Variants in TTC39C observed in about 807,000 individuals in gnomAD.
TTC39C encodes tetratricopeptide repeat domain 39C, also known as tetratricopeptide repeat protein 39C.
Under a neutral mutation model 76.3 loss-of-function variants are expected in TTC39C, and 33 were observed. The observed-to-expected ratio is 0.43, with a 90% CI of 0.33 to 0.58. The LOEUF (loss-of-function observed/expected upper bound fraction) is 0.58, where lower values mean the gene tolerates loss of function less well. Among genes scored for constraint, TTC39C ranks in the 20% least tolerant of loss-of-function variants. The pLI is 0.04. For missense variants in TTC39C, 595 were observed against 701.4 expected (o/e 0.85, Z 1.71); for synonymous variants, 254 against 260.6 (o/e 0.97, Z 0.24).
upstream of TTC39C, chr18:24,013,187 A>G (rs549462912): frequency 2.0e-5 from 3 of 152,310 alleles, no homozygotes; most frequent in African/African-American, 7.2e-5. Context: ...GACAGCATGA[A>G]TGCAGTGACT....
intron 6 of TTC39C, among the ~76,000 whole-genome samples, chr18:24,110,299 T>A (rs985345629): frequency 6.6e-6 from 1 of 152,236 alleles, no homozygotes; most frequent in Non-Finnish European, 1.5e-5. Context: ...CGGCATCTAC[T>A]TGTAGCAAGC....
At chr18:24,029,096 GT>G (rs2083635600) in intron 1 of TTC39C, among the ~76,000 whole-genome samples, 1 of 62,364 alleles carries the variant, frequency 1.6e-5, no homozygotes, top group African/African-American at 5.5e-5. Flanking sequence ...GTGTGGTGTT[GT>G]TGTTGTTGTT....
At chr18:24,005,666 C>T (rs939281696) in intron 1 of TTC39C, among the ~76,000 whole-genome samples, 19 of 149,244 alleles carry the variant, frequency 1.3e-4, no homozygotes, top group Non-Finnish European at 1.2e-4. Context: ...GGCAACAAAG[C>T]GAGACCCTGT....
intron 1 of TTC39C, among the ~76,000 whole-genome samples, chr18:24,004,092 C>A (rs1439474398): frequency 1.3e-5 from 2 of 152,150 alleles, no homozygotes; most frequent in Non-Finnish European, 2.9e-5. Context: ...GTTCCCCAAG[C>A]AAGCACAGTG....
intron 1 of TTC39C, among the ~76,000 whole-genome samples, chr18:24,009,438 C>T (rs1055516640): frequency 2.0e-5 from 3 of 152,084 alleles, no homozygotes; most frequent in Admixed American, 1.3e-4. Context: ...GGACATTCAC[C>T]CAAGGCTGCA....
At chr18:23,993,735 T>G (rs1373437629) in intron 1 of TTC39C, among the ~76,000 whole-genome samples, 1 of 152,212 alleles carries the variant, frequency 6.6e-6, no homozygotes. Context: ...TCTAGATAAT[T>G]ATTTAATTTC....
intron 1 of TTC39C, among the ~76,000 whole-genome samples, chr18:24,003,439 A>G (rs1426493773): frequency 6.6e-6 from 1 of 152,202 alleles, no homozygotes; most frequent in African/African-American, 2.4e-5. Flanking sequence ...TTATTCAATT[A>G]TGTCTTCCAC....
chr18:24,132,707 T>A lies in TTC39C; in HGVS notation c.*133T>A. 3.3e-6 allele frequency: 2 copies of A among 603,510 alleles called. No homozygotes were observed. The highest frequency in any genetic ancestry group is 3.0e-5 in the East Asian group (1 of 33,284). The allele number at this position is 603,510 out of a possible 1,614,324, so 37.4% of individuals were successfully genotyped here. On this transcript the variant is annotated 3_prime_UTR_variant, in exon 14 of 14. Coordinates refer to ENST00000317571, the MANE Select transcript of TTC39C (RefSeq NM_001135993.2). ...TGTGCCAGGGACACATTTTCCCAGT[T>A]AAGCTGACATATTAAAGATCTCCTC... is the stretch of plus-strand genomic sequence containing the variant.
At position 24,091,100 on chromosome 18, in the gene TTC39C, C is replaced by T. The variant is rs116981491; in HGVS notation, c.984+8019C>T. On this transcript the variant is annotated intron_variant, in intron 6 of 13. Coordinates refer to ENST00000317571, the MANE Select transcript of TTC39C (RefSeq NM_001135993.2). ...GGGATTACAGGCGTAAGCCGCCACG[C>T]CCGGCCTTATGATCAATTTGCTTTG... Among the ~76,000 whole-genome samples the T allele has an allele frequency of 6.3e-4, 96 of 152,340 alleles. No homozygotes were observed. The East Asian group carries it at 0.013, about 20-fold the overall frequency.
chr18:24,057,457 T>C (rs1257589006), intron 1 of TTC39C, among the ~76,000 whole-genome samples: 1 of 152,152 alleles, frequency 6.6e-6, no homozygotes, highest in Non-Finnish European at 1.5e-5. Flanking sequence ...GTGCCCTCCT[T>C]TGGGCTCCTT....
intron 8 of TTC39C, among the ~76,000 whole-genome samples, chr18:24,120,839 T>A (rs1208028244): frequency 1.3e-5 from 2 of 150,450 alleles, no homozygotes; most frequent in Admixed American, 6.6e-5. Flanking sequence ...GTCTTCAAGG[T>A]TCATCCATGT....
chr18:24,002,731 G>A (rs12954472), intron 1 of TTC39C, among the ~76,000 whole-genome samples: 80,570 of 151,986 alleles, frequency 0.53, 26,378 homozygotes, highest in Non-Finnish European at 0.74. Context: ...GTAGAAAAAA[G>A]CAGAATCGTG....
intron 4 of TTC39C, among the ~76,000 whole-genome samples, chr18:24,075,205 C>G (rs2084288131): frequency 6.6e-6 from 1 of 151,800 alleles, no homozygotes; most frequent in South Asian, 2.1e-4. Flanking sequence ...ATGTAAATGA[C>G]AAGTTAATGG....
chr18:23,994,171 A>T (rs1248462733), intron 1 of TTC39C: 5 of 152,214 alleles, frequency 3.3e-5, no homozygotes, highest in Non-Finnish European at 7.3e-5. Context: ...TATTCCTTAG[A>T]TGTTTTGGCT....
intron 1 of TTC39C, among the ~76,000 whole-genome samples, chr18:24,037,240 T>G (rs946826986): frequency 6.6e-6 from 1 of 152,238 alleles, no homozygotes; most frequent in African/African-American, 2.4e-5. Flanking sequence ...AAGATCAGTT[T>G]GTATGGTTTC....
chr18:24,023,968 A>ATC (rs2083554446), intron 1 of TTC39C, among the ~76,000 whole-genome samples: 1 of 31,250 alleles, frequency 3.2e-5, no homozygotes, highest in East Asian at 1.3e-3. Context: ...ATATATATAT[A>ATC]TATATATATA....
At chr18:24,073,620 A>T (rs1279278416) in intron 4 of TTC39C, among the ~76,000 whole-genome samples, 1 of 151,866 alleles carries the variant, frequency 6.6e-6, no homozygotes, top group Non-Finnish European at 1.5e-5. Context: ...GGTTCAAGTG[A>T]TCCTCTTGCC....
chr18:24,111,458 A>G (rs1225603656), intron 6 of TTC39C, among the ~76,000 whole-genome samples: 2 of 151,826 alleles, frequency 1.3e-5, no homozygotes, highest in Non-Finnish European at 2.9e-5. Context: ...AGTCCCAGCT[A>G]CTTAGGAGGC....
intron 1 of TTC39C, among the ~76,000 whole-genome samples, chr18:24,024,336 C>G (rs1040983780): frequency 4.0e-5 from 6 of 151,804 alleles, no homozygotes; most frequent in Non-Finnish European, 8.8e-5. Context: ...AGTGTAAATG[C>G]TCAGCACACC....
Sources: allele counts gnomAD v4.1 joint callset (sites outside exome capture counted in the v4.1 genomes callset), GRCh38; gene constraint gnomAD v4.1.1; transcripts MANE v1.5; gene names NCBI Gene and HGNC (gene_info 2026-07-23, HGNC 2026-07-21).